Variants in COL21A1 observed in about 807,000 individuals in gnomAD.
COL21A1 encodes the protein collagen alpha-1(XXI) chain.
COL21A1 carries 149 observed loss-of-function variants against 137.9 expected under a neutral mutation model. The ratio of observed to expected loss-of-function variants is 1.08; its 90% CI spans 0.95 to 1.24. The LOEUF (loss-of-function observed/expected upper bound fraction) is 1.24, where lower values mean the gene tolerates loss of function less well. Ranked by LOEUF, COL21A1 falls within the 50% of genes most tolerant of loss-of-function variation. The pLI is 0.00. For synonymous variants in COL21A1, 456 were observed against 391.5 expected, an observed-to-expected ratio of 1.16 and a Z score of -1.95; for missense variants, 1,167 against 1,158.4, an observed-to-expected ratio of 1.01 and a Z score of -0.11.
rs544177271 is a variant in COL21A1 at position 56,167,312 on chromosome 6, G to A, written c.1201-329C>T. 2.0e-3 allele frequency among the ~76,000 whole-genome samples: 303 copies of A among 152,202 alleles called. 1 individual carries two copies. Among genetic ancestry groups the A allele is most frequent in the African/African-American group, 7.2e-3 (298 of 41,536 alleles). Reference sequence around the variant, plus strand: ...TTAAAAGTTTTCCCAGGTTTTCTGTGTTTATCTTAAATCTCCACAACATTC... The same window carrying A: ...TTAAAAGTTTTCCCAGGTTTTCTGTATTTATCTTAAATCTCCACAACATTC... On this transcript the variant is annotated intron_variant, in intron 6 of 29. Transcript: ENST00000244728.
chr6:56,370,052 T>C (rs1562075287), intron 1 of COL21A1, among the ~76,000 whole-genome samples: 2 of 152,254 alleles, frequency 1.3e-5, no homozygotes, highest in African/African-American at 4.8e-5. Context: ...TGAGGCCATA[T>C]AGGCGTTATC....
At chr6:56,217,542 C>T (rs1780564059) in intron 1 of COL21A1, among the ~76,000 whole-genome samples, 1 of 151,972 alleles carries the variant, frequency 6.6e-6, no homozygotes, top group African/African-American at 2.4e-5. Context: ...CCTTCCAACC[C>T]AATTTCATTG....
chr6:56,158,155 G>T (rs1471360311), intron 9 of COL21A1, among the ~76,000 whole-genome samples: 1 of 151,148 alleles, frequency 6.6e-6, no homozygotes, highest in African/African-American at 2.4e-5. Context: ...TCTAAATGGA[G>T]CATCCTGCTG....
In COL21A1 at chr6:56,326,561, A is replaced by G. The variant is rs1461139525; in HGVS notation, c.-39+67410T>C. The stretch of plus-strand genomic sequence containing the variant: ...AAACTAATCTACTTGTAATTCAGTG[A>G]TAGTGTATCACACTAATGTGAGATA... On this transcript the variant is annotated intron_variant, in intron 1 of 28. Coordinates refer to the COL21A1 transcript ENST00000370819. Among the ~76,000 whole-genome samples, 7 of 151,966 alleles carry G rather than the reference A, an allele frequency of 4.6e-5. No homozygotes were observed. In the Admixed American group the frequency reaches 4.6e-4, roughly 10 times the overall value.
At chr6:56,356,224 T>C (rs1257529523) in intron 1 of COL21A1, among the ~76,000 whole-genome samples, 1 of 152,124 alleles carries the variant, frequency 6.6e-6, no homozygotes, top group African/African-American at 2.4e-5. Context: ...CCAAAAGGCT[T>C]TCCAGAAGAG....
intron 1 of COL21A1, among the ~76,000 whole-genome samples, chr6:56,379,213 G>C (rs2094004900): frequency 6.6e-6 from 1 of 152,176 alleles, no homozygotes; most frequent in Non-Finnish European, 1.5e-5. Flanking sequence ...AGGAAAACAT[G>C]ACCTCACCAA....
chr6:56,113,494 G>T (rs1771631512), intron 16 of COL21A1, among the ~76,000 whole-genome samples: 1 of 152,130 alleles, frequency 6.6e-6, no homozygotes, highest in Non-Finnish European at 1.5e-5. Context: ...TGAAGGAAAG[G>T]ATGCAGTCCT....
At chr6:56,283,914 G>A (rs1232081039) in intron 1 of COL21A1, among the ~76,000 whole-genome samples, 1 of 151,224 alleles carries the variant, frequency 6.6e-6, no homozygotes, top group Non-Finnish European at 1.5e-5. Context: ...TCCAGCAGTA[G>A]AGCAATCAAA....
chr6:56,309,137 G>A (rs921569618), intron 1 of COL21A1, among the ~76,000 whole-genome samples: 2 of 151,822 alleles, frequency 1.3e-5, no homozygotes, highest in African/African-American at 4.8e-5. Flanking sequence ...CTGCCTCCCG[G>A]GTTAAGCGAT....
chr6:56,213,914 A>C, intron 1 of COL21A1, among the ~76,000 whole-genome samples: 1 of 152,122 alleles, frequency 6.6e-6, no homozygotes, highest in East Asian at 1.9e-4. Context: ...AATTTAACAT[A>C]GCTTAGAACA....
chr6:56,333,369 T>G (rs2397216), intron 1 of COL21A1, among the ~76,000 whole-genome samples: 101,505 of 150,350 alleles, frequency 0.68, 34,530 homozygotes, highest in East Asian at 0.9. Context: ...TTTGAGAAAT[T>G]TATACAGATA....
At chr6:56,124,914 G>A (rs1772901370) in intron 14 of COL21A1, among the ~76,000 whole-genome samples, 1 of 151,862 alleles carries the variant, frequency 6.6e-6, no homozygotes, top group African/African-American at 2.4e-5. Context: ...CAAAGTGCTG[G>A]GATTACAGGC....
chr6:56,202,708 T>C (rs913528362), intron 1 of COL21A1, among the ~76,000 whole-genome samples: 5 of 152,162 alleles, frequency 3.3e-5, no homozygotes, highest in African/African-American at 1.2e-4. Context: ...CTTGATTGGG[T>C]TGTACACTAT....
intron 17 of COL21A1, among the ~76,000 whole-genome samples, chr6:56,082,677 T>C (rs12198225): frequency 0.15 from 23,015 of 151,720 alleles, 1,766 homozygotes; most frequent in Middle Eastern, 0.22. Flanking sequence ...GAATTTTATA[T>C]ATAATAGAGG....
At chr6:56,164,328 T>G (rs1428295796) in intron 9 of COL21A1, 95 bp downstream of exon 9, 10 of 826,436 alleles carry the variant, frequency 1.2e-5, no homozygotes, top group Non-Finnish European at 1.8e-5. Context: ...CAGATAGAAA[T>G]TTCTCAACAG....
intron 16 of COL21A1, among the ~76,000 whole-genome samples, chr6:56,120,775 CAA>C (rs1305328932): frequency 7.4e-6 from 1 of 134,594 alleles, no homozygotes; most frequent in Non-Finnish European, 1.6e-5. Context: ...GCCTGGGCAA[CAA>C]GAGCAAAACT....
chr6:56,132,858 T>C (rs938015287), intron 12 of COL21A1, among the ~76,000 whole-genome samples: 2 of 152,184 alleles, frequency 1.3e-5, no homozygotes, highest in East Asian at 1.9e-4. Context: ...ACAAGCTGGC[T>C]GTTTTCCTGC....
At chr6:56,304,421 G>A (rs1174248031) in intron 1 of COL21A1, among the ~76,000 whole-genome samples, 3 of 152,084 alleles carry the variant, frequency 2.0e-5, no homozygotes, top group East Asian at 1.9e-4. Context: ...CCTGTTATTG[G>A]TCTATTCAGA....
At chr6:56,241,447 C>A (rs1477797468) in intron 1 of COL21A1, among the ~76,000 whole-genome samples, 1 of 152,176 alleles carries the variant, frequency 6.6e-6, no homozygotes, top group Non-Finnish European at 1.5e-5. Flanking sequence ...AACTGAGACA[C>A]ATATCATCCC....
Sources: allele counts gnomAD v4.1 joint callset (sites outside exome capture counted in the v4.1 genomes callset), GRCh38; gene constraint gnomAD v4.1.1; transcripts MANE v1.5; gene names NCBI Gene and HGNC (gene_info 2026-07-23, HGNC 2026-07-21).